Variants in KLF8 observed in about 807,000 individuals in gnomAD.
KLF8 encodes Krueppel-like factor 8.
In KLF8, 10 loss-of-function variants were observed where a neutral mutation model predicts 18.2. The ratio of observed to expected loss-of-function variants is 0.55; its 90% CI spans 0.34 to 0.93. The LOEUF (loss-of-function observed/expected upper bound fraction) is 0.93, where lower values mean the gene tolerates loss of function less well. Among genes scored for constraint, KLF8 ranks in the 40% least tolerant of loss-of-function variants. The pLI is 0.02. For synonymous variants in KLF8, 109 were observed against 97.3 expected (o/e 1.12, Z -0.71); for missense variants, 264 against 277.9 (o/e 0.95, Z 0.36).
chrX:55,994,577 C>T, the KLF8 span, among the ~76,000 whole-genome samples: 2 of 110,431 alleles, frequency 1.8e-5, no homozygotes, highest in African/African-American at 6.6e-5. Flanking sequence ...ATTTTTCTCT[C>T]ATCACTGCTT....
the KLF8 span, among the ~76,000 whole-genome samples, chrX:56,190,704 A>G: frequency 1.8e-5 from 2 of 111,706 alleles, no homozygotes; most frequent in Non-Finnish European, 3.8e-5. Context: ...TGAAAATTAA[A>G]TGTATCCTCC....
At chrX:56,197,629 A>T in the KLF8 span, among the ~76,000 whole-genome samples, 1 of 111,935 alleles carries the variant, frequency 8.9e-6, no homozygotes, top group African/African-American at 3.3e-5. Context: ...CTAGGACCAG[A>T]TGGATTCACA....
chrX:56,004,670 C>T, the KLF8 span, among the ~76,000 whole-genome samples: 4 of 111,255 alleles, frequency 3.6e-5, no homozygotes, highest in Non-Finnish European at 5.7e-5. Context: ...CGAAGTCTTG[C>T]GGGTAATTCT....
chrX:55,915,206 C>G, the KLF8 span, among the ~76,000 whole-genome samples: 1 of 111,454 alleles, frequency 9.0e-6, no homozygotes, highest in South Asian at 3.8e-4. Flanking sequence ...ATTGAATTTA[C>G]TATATCCATT....
the KLF8 span, among the ~76,000 whole-genome samples, chrX:56,188,329 C>A: frequency 3.6e-5 from 4 of 111,380 alleles, no homozygotes; most frequent in Non-Finnish European, 7.5e-5. Flanking sequence ...TGAAGGACCT[C>A]TTCAAGGAGA....
the KLF8 span, among the ~76,000 whole-genome samples, chrX:56,135,182 C>T: frequency 2.7e-5 from 3 of 110,843 alleles, no homozygotes; most frequent in Non-Finnish European, 5.7e-5. Context: ...ACCATTTGAC[C>T]CAGCCATCCC....
Position 56,260,551 on chromosome X carries a change from T to G in KLF8, c.82-4629T>G, listed in dbSNP as rs756783114. ...CATTTGTACATTTATGATCTCATTT[T>G]GCCTGATTGTGGCTACTACCATCCC... On this transcript the variant is annotated intron_variant, in intron 2 of 5. Coordinates refer to ENST00000468660, the MANE Select transcript of KLF8 (RefSeq NM_007250.5). 1.5e-4 allele frequency among the ~76,000 whole-genome samples: 17 copies of G among 111,911 alleles called. No individual in the cohort carries two copies. The Admixed American group carries it at 1.6e-3, about 11-fold the overall frequency.
the KLF8 span, among the ~76,000 whole-genome samples, chrX:56,180,777 T>G: frequency 8.9e-6 from 1 of 112,386 alleles, no homozygotes; most frequent in African/African-American, 3.2e-5. Flanking sequence ...CAGTTTCAAC[T>G]GAGTTTCTTA....
chrX:56,264,886 G>C (rs1010643442), intron 2 of KLF8, among the ~76,000 whole-genome samples: 4 of 111,923 alleles, frequency 3.6e-5, no homozygotes, highest in East Asian at 5.6e-4. Context: ...GATGTGTGCT[G>C]CCACTGAGCT....
intron 2 of KLF8, among the ~76,000 whole-genome samples, chrX:56,250,521 C>A (rs1358070934): frequency 9.0e-6 from 1 of 111,691 alleles, no homozygotes; most frequent in Non-Finnish European, 1.9e-5. Flanking sequence ...CCTCTGGAAT[C>A]AAGGCTATAA....
the KLF8 span, among the ~76,000 whole-genome samples, chrX:56,058,191 T>C: frequency 8.1e-5 from 6 of 74,488 alleles, no homozygotes; most frequent in East Asian, 7.8e-4. Context: ...CATATATATA[T>C]ACATATATAT....
At chrX:56,058,203 T>TAC in the KLF8 span, among the ~76,000 whole-genome samples, 4 of 52,268 alleles carry the variant, frequency 7.7e-5, no homozygotes, top group African/African-American at 2.2e-4. Context: ...CATATATATA[T>TAC]ACACATATAT....
the KLF8 span, among the ~76,000 whole-genome samples, chrX:56,016,276 GCA>G: frequency 8.9e-6 from 1 of 112,245 alleles, no homozygotes; most frequent in Non-Finnish European, 1.9e-5. Flanking sequence ...ATAGTGCCTG[GCA>G]CAGAGTGAGT....
the KLF8 span, among the ~76,000 whole-genome samples, chrX:55,919,676 T>A: frequency 1.8e-5 from 2 of 110,663 alleles, no homozygotes; most frequent in Non-Finnish European, 3.8e-5. Flanking sequence ...ATAACACCAT[T>A]AGACAGGGAA....
chrX:56,198,231 T>C, the KLF8 span, among the ~76,000 whole-genome samples: 1 of 112,202 alleles, frequency 8.9e-6, no homozygotes. Context: ...TTGGAAGTTC[T>C]GGCCAGGGCA....
At chrX:55,931,082 AG>A in the KLF8 span, among the ~76,000 whole-genome samples, 1 of 111,827 alleles carries the variant, frequency 8.9e-6, no homozygotes, top group Non-Finnish European at 1.9e-5. Flanking sequence ...TGGTCCATTC[AG>A]GGATTCTACT....
At chrX:56,122,471 T>C in the KLF8 span, among the ~76,000 whole-genome samples, 1 of 111,920 alleles carries the variant, frequency 8.9e-6, no homozygotes, top group African/African-American at 3.2e-5. Context: ...CTGATGATAG[T>C]ATTAATAATA....
chrX:56,023,840 T>C, the KLF8 span, among the ~76,000 whole-genome samples: 2 of 111,867 alleles, frequency 1.8e-5, no homozygotes, highest in African/African-American at 3.2e-5. Flanking sequence ...GTAAAGAATG[T>C]CATTCTATCA....
At chrX:56,187,989 C>G in the KLF8 span, among the ~76,000 whole-genome samples, 7 of 111,709 alleles carry the variant, frequency 6.3e-5, no homozygotes, top group African/African-American at 2.3e-4. Context: ...TCTCTCACCA[C>G]TCCTATTCAA....
Sources: allele counts gnomAD v4.1 joint callset (sites outside exome capture counted in the v4.1 genomes callset), GRCh38; gene constraint gnomAD v4.1.1; transcripts MANE v1.5; gene names NCBI Gene and HGNC (gene_info 2026-07-23, HGNC 2026-07-21).